ERC2: variants seen among roughly 807,000 people sequenced by gnomAD.
The protein encoded by ERC2 is ERC protein 2.
A neutral mutation model predicts 114.8 loss-of-function variants in ERC2; 42 were observed. The observed-to-expected ratio is 0.37, with a 90% CI of 0.29 to 0.47. The LOEUF (loss-of-function observed/expected upper bound fraction) is 0.47. ERC2 is among the 20% of genes least tolerant of loss of function. The pLI is 0.99. For missense variants in ERC2, 939 were observed against 1,150.7 expected, an observed-to-expected ratio of 0.82 and a Z score of 2.66; for synonymous variants, 454 against 425.5, an observed-to-expected ratio of 1.07 and a Z score of -0.82.
At position 55,510,160 on chromosome 3, in the gene ERC2, G is replaced by C. The variant is rs990920109; in HGVS notation, c.*1156C>G. ...ACTGTATCCACATACATGTTGTGTA[G>C]AGCTATATACAGAGACACAGCTTTT... On this transcript the variant is annotated 3_prime_UTR_variant, in exon 18 of 18. Coordinates refer to ENST00000288221, the MANE Select transcript of ERC2 (RefSeq NM_015576.3). 1.3e-5 allele frequency: 2 copies of C among 152,152 alleles called. No individual in the cohort carries two copies. The highest frequency in any genetic ancestry group is 2.9e-5 in the Non-Finnish European group (2 of 68,004). 9.4% of individuals were successfully genotyped at this position (152,152 alleles called of 1,614,324 possible). A position where few individuals can be genotyped will look rare whatever the true frequency, so the allele number is the denominator to read the frequency against.
chr3:56,309,905 C>G (rs1488242672), intron 2 of ERC2, among the ~76,000 whole-genome samples: 1 of 152,142 alleles, frequency 6.6e-6, no homozygotes, highest in Non-Finnish European at 1.5e-5. Context: ...GCATAATGAA[C>G]ATAAATCTTT....
intron 10 of ERC2, among the ~76,000 whole-genome samples, chr3:55,996,820 T>C (rs954531689): frequency 2.0e-5 from 3 of 152,228 alleles, no homozygotes; most frequent in African/African-American, 7.2e-5. Flanking sequence ...GTAGTTATTT[T>C]AGTGAAAGAA....
chr3:55,894,985 C>T (rs1157323466), intron 13 of ERC2, among the ~76,000 whole-genome samples: 2 of 152,178 alleles, frequency 1.3e-5, no homozygotes, highest in Non-Finnish European at 2.9e-5. Context: ...ACATATACCC[C>T]TGGACTGCCC....
chr3:56,335,135 T>C (rs1415622028), intron 2 of ERC2, among the ~76,000 whole-genome samples: 2 of 152,218 alleles, frequency 1.3e-5, no homozygotes, highest in Non-Finnish European at 2.9e-5. Context: ...GCATAGGGCA[T>C]CTAAGCCCAA....
chr3:55,687,615 A>G (rs2062402956), intron 16 of ERC2, among the ~76,000 whole-genome samples: 1 of 152,078 alleles, frequency 6.6e-6, no homozygotes, highest in African/African-American at 2.4e-5. Flanking sequence ...GTGCAAGGAG[A>G]TGATCCTGGT....
At position 56,296,898 on chromosome 3, in the gene ERC2, C is replaced by T. The variant is rs187788402; in HGVS notation, c.658-463G>A. ...TTAAAAATGAAAATAATAGCATCCACTACAAGTAGACACAAACAAAGACTT... is the reference window on the plus strand; with the variant it reads ...TTAAAAATGAAAATAATAGCATCCATTACAAGTAGACACAAACAAAGACTT... On this transcript the variant is annotated intron_variant, in intron 2 of 17. Transcript: ENST00000288221. Among the ~76,000 whole-genome samples the T allele has an allele frequency of 2.0e-5, 3 of 152,280 alleles. No homozygotes were observed. The East Asian group carries it at 5.8e-4, about 29-fold the overall frequency.
At chr3:55,888,669 G>A (rs533215896) in intron 13 of ERC2, 120 bp from the exon 14 acceptor site, 21 of 1,216,114 alleles carry the variant, frequency 1.7e-5, no homozygotes, top group South Asian at 4.3e-5. Flanking sequence ...GAACTGGGCC[G>A]CTGTGTCTTG....
At chr3:55,728,170 A>G (rs77866958) in intron 15 of ERC2, among the ~76,000 whole-genome samples, 2,869 of 152,282 alleles carry the variant, frequency 0.019, 89 homozygotes, top group African/African-American at 0.066. Context: ...TGTGCTAGCA[A>G]TTGTGTTAGC....
rs1490151763 is a variant in ERC2 at position 56,287,356 on chromosome 3, C to G, written c.1074+8663G>C. ...CTAACTTTGATGAAATGGGAGAGGTCTAAGTGCCACACATTTGTCCTTATT... is the reference window on the plus strand; with the variant it reads ...CTAACTTTGATGAAATGGGAGAGGTGTAAGTGCCACACATTTGTCCTTATT... On this transcript the variant is annotated intron_variant, in intron 3 of 17. Transcript: ENST00000288221. Among the ~76,000 whole-genome samples the G allele has an allele frequency of 2.6e-5, 4 of 152,294 alleles. No homozygotes were observed. In the South Asian group the frequency reaches 8.3e-4, roughly 32 times the overall value.
intron 11 of ERC2, among the ~76,000 whole-genome samples, chr3:55,986,451 G>T (rs1158172034): frequency 6.6e-6 from 1 of 152,222 alleles, no homozygotes; most frequent in Non-Finnish European, 1.5e-5. Flanking sequence ...AAGTTGGATG[G>T]TTATATCCTA....
intron 14 of ERC2, among the ~76,000 whole-genome samples, chr3:55,813,386 A>T (rs1159176462): frequency 6.6e-6 from 1 of 152,212 alleles, no homozygotes; most frequent in Non-Finnish European, 1.5e-5. Context: ...GTGAGTGCAG[A>T]TGGAGAACTC....
intron 2 of ERC2, among the ~76,000 whole-genome samples, chr3:56,351,415 C>A (rs540780077): frequency 6.6e-6 from 1 of 152,014 alleles, no homozygotes; most frequent in African/African-American, 2.4e-5. Context: ...ATCTCTGTAA[C>A]AAAATTTCAT....
chr3:56,077,490 T>G (rs2077028866), intron 7 of ERC2, among the ~76,000 whole-genome samples: 1 of 152,212 alleles, frequency 6.6e-6, no homozygotes, highest in Non-Finnish European at 1.5e-5. Context: ...CCCAAACTTT[T>G]GAGTCTGGCT....
chr3:55,762,591 G>T (rs549864691), intron 14 of ERC2, among the ~76,000 whole-genome samples: 1 of 152,194 alleles, frequency 6.6e-6, no homozygotes, highest in East Asian at 1.9e-4. Flanking sequence ...AGTTAGTTGG[G>T]TCAAGCAAAC....
At chr3:56,358,900 T>C (rs2058843210) in intron 2 of ERC2, among the ~76,000 whole-genome samples, 1 of 152,242 alleles carries the variant, frequency 6.6e-6, no homozygotes, top group African/African-American at 2.4e-5. Context: ...TAATGCTGAC[T>C]TGTCATCACT....
At chr3:55,513,638 A>G (rs555982539) in intron 17 of ERC2, among the ~76,000 whole-genome samples, 2 of 151,972 alleles carry the variant, frequency 1.3e-5, no homozygotes, top group South Asian at 2.1e-4. Context: ...ATATATATAC[A>G]TATCTTTTAT....
chr3:55,522,347 A>C (rs2053016413), intron 17 of ERC2, among the ~76,000 whole-genome samples: 1 of 152,146 alleles, frequency 6.6e-6, no homozygotes, highest in African/African-American at 2.4e-5. Flanking sequence ...GAAGAATGCT[A>C]CCTCGTTTTG....
rs770200619 is a variant in ERC2, at chr3:56,434,801, C to G, written c.207G>C (p.Gly69=). 6.2e-7 allele frequency: 1 copy of G among 1,613,880 alleles called. No homozygotes were observed. The highest frequency in any genetic ancestry group is 1.1e-5 in the South Asian group (1 of 91,084). Residue 69 remains glycine, a synonymous_variant, in exon 2 of 18, where the codon GGG becomes GGC. Transcript: ENST00000288221. The part of the protein sequence containing the change: ...SGPMYLSDHE[G]VASTTYPKGT... ...CCTTTGGGTAGGTTGTTGAAGCCACCCCTTCATGATCACTCAGATACATGG... is the reference window on the plus strand; with the variant it reads ...CCTTTGGGTAGGTTGTTGAAGCCACGCCTTCATGATCACTCAGATACATGG...
rs559693500 is a variant in ERC2 at position 55,605,647 on chromosome 3, A to G, written c.*39+78147T>C. ...TTAAGTGTCATTCAAAGAAATTTTT[A>G]TTGCAAAAGTATGTGATTTACTTCT... On this transcript the variant is annotated intron_variant, in intron 17 of 17. Coordinates refer to ENST00000288221, the MANE Select transcript of ERC2 (RefSeq NM_015576.3). Among the ~76,000 whole-genome samples the G allele has an allele frequency of 2.9e-3, 449 of 152,320 alleles. 1 individual carries two copies. Among genetic ancestry groups the G allele is most frequent in the Non-Finnish European group, 4.7e-3 (318 of 68,028 alleles).
Sources: allele counts gnomAD v4.1 joint callset (sites outside exome capture counted in the v4.1 genomes callset), GRCh38; gene constraint gnomAD v4.1.1; transcripts MANE v1.5; gene names NCBI Gene and HGNC (gene_info 2026-07-23, HGNC 2026-07-21).